TDRKH: variants seen among roughly 807,000 people sequenced by gnomAD.
The protein encoded by TDRKH is tudor and KH domain-containing protein.
In TDRKH, 28 loss-of-function variants were observed where a neutral mutation model predicts 61.3. The ratio of observed to expected loss-of-function variants is 0.46; its 90% confidence interval spans 0.34 to 0.63. The LOEUF (loss-of-function observed/expected upper bound fraction) is 0.63. Ranked by LOEUF, TDRKH falls within the 20% of genes least tolerant of loss-of-function variation. TDRKH has a pLI of 0.01. For missense variants in TDRKH, 540 were observed against 683.4 expected (o/e 0.79, Z 2.34); for synonymous variants, 219 against 244.4 (o/e 0.90, Z 0.97).
chr1:151,770,316 C>G, downstream of TDRKH: 1 of 1,570,092 alleles, frequency 6.4e-7, no homozygotes, highest in Admixed American at 1.8e-5. Context: ...AACTCCTTTT[C>G]CTTTATAGGA....
At chr1:151,787,979 T>C (rs546058700) in intron 1 of TDRKH, among the ~76,000 whole-genome samples, 33 of 151,832 alleles carry the variant, frequency 2.2e-4, no homozygotes, top group South Asian at 2.1e-3. Context: ...GAGCGAGAAT[T>C]TGTCTCAAGG....
Position 151,774,364 on chromosome 1 carries a change from C to G in TDRKH, c.*88G>C. 7.1e-7 allele frequency: 1 copy of G among 1,405,322 alleles called. No individual in the cohort carries two copies. The highest frequency in any genetic ancestry group is 9.9e-7 in the Non-Finnish European group (1 of 1,009,302). 87.1% of individuals were successfully genotyped at this position (1,405,322 alleles called of 1,614,324 possible). A position where few individuals can be genotyped will look rare whatever the true frequency, so the allele number is the denominator to read the frequency against. On this transcript the variant is annotated 3_prime_UTR_variant, in exon 13 of 13. Transcript: ENST00000368824. Reference sequence around the variant, plus strand: ...GGAATCAAAGCAAGTGCCCCACTGTCGCCCTCATTACTTTCCTGTTGCTAC... The same window carrying G: ...GGAATCAAAGCAAGTGCCCCACTGTGGCCCTCATTACTTTCCTGTTGCTAC...
chr1:151,770,238 G>C (rs745422540), downstream of TDRKH: 4 of 1,613,816 alleles, frequency 2.5e-6, no homozygotes, highest in East Asian at 2.2e-5. Flanking sequence ...TGAACTTCCA[G>C]AATGATCGGA....
intron 1 of TDRKH, among the ~76,000 whole-genome samples, chr1:151,787,321 C>T (rs775978636): frequency 2.6e-5 from 4 of 152,154 alleles, no homozygotes; most frequent in South Asian, 2.1e-4. Flanking sequence ...CGGGTTCAAG[C>T]GATTCTTCTG....
In TDRKH at chr1:151,778,863, T is replaced by C. The variant is rs921056889; in HGVS notation, c.705A>G (p.Ala235=). ...TGCTAGAACTGGTGTTTTTCCATAATGCTGGCTCTCCAGCTCCACCTGGCT... is the reference window on the plus strand; with the variant it reads ...TGCTAGAACTGGTGTTTTTCCATAACGCTGGCTCTCCAGCTCCACCTGGCT... The part of the protein sequence containing the change: ...MTEPGGAGEP[A]LWKNTSSSME... Residue 235 remains alanine (A), a synonymous_variant, in exon 6 of 13, where the codon GCA becomes GCG. Transcript: ENST00000368824. 1.2e-5 allele frequency: 19 copies of C among 1,614,110 alleles called. No individual in the cohort carries two copies. In the East Asian group the frequency reaches 4.2e-4, roughly 36 times the overall value.
At chr1:151,779,473 C>T (rs1649534307) in intron 4 of TDRKH, among the ~76,000 whole-genome samples, 1 of 152,210 alleles carries the variant, frequency 6.6e-6, no homozygotes, top group Admixed American at 6.5e-5. Context: ...CTTTGGCTAA[C>T]TTCATGTCAT....
intron 6 of TDRKH, among the ~76,000 whole-genome samples, chr1:151,778,163 A>C (rs1369914204): frequency 6.6e-6 from 1 of 152,188 alleles, no homozygotes; most frequent in Non-Finnish European, 1.5e-5. Context: ...GCTAGCTTAC[A>C]TAAAATGCAT....
At chr1:151,778,122 A>G (rs929686016) in intron 6 of TDRKH, among the ~76,000 whole-genome samples, 2 of 152,146 alleles carry the variant, frequency 1.3e-5, no homozygotes, top group Admixed American at 1.3e-4. Flanking sequence ...TTATACCTCC[A>G]AGCTCCTGTG....
chr1:151,767,947 C>T (rs1012394580), downstream of TDRKH: 5 of 1,372,594 alleles, frequency 3.6e-6, no homozygotes, highest in East Asian at 7.2e-5. Context: ...GATCTTGGCT[C>T]CAATTCTCCC....
At chr1:151,766,517 C>T, downstream of TDRKH, 1 of 592,630 alleles carries the variant, frequency 1.7e-6, no homozygotes, top group Non-Finnish European at 3.0e-6. Flanking sequence ...ATTCATACAG[C>T]CATAACATGC....
intron 1 of TDRKH, among the ~76,000 whole-genome samples, chr1:151,786,815 G>A (rs1650357702): frequency 6.6e-6 from 1 of 152,116 alleles, no homozygotes; most frequent in African/African-American, 2.4e-5. Flanking sequence ...CGTCTATTTT[G>A]GGTCATTAGT....
chr1:151,788,811 T>A (rs530527490), intron 1 of TDRKH, among the ~76,000 whole-genome samples: 11 of 152,034 alleles, frequency 7.2e-5, no homozygotes, highest in African/African-American at 2.2e-4. Context: ...TGCAGAGGGG[T>A]CTCTGCAGCC....
rs745725657 is a variant in TDRKH at position 151,775,066 on chromosome 1, A to G, written c.1535T>C (p.Met512Thr). The G allele has an allele frequency of 1.2e-6, 2 of 1,614,000 alleles. No individual in the cohort carries two copies. Among genetic ancestry groups the G allele is most frequent in the South Asian group, 2.2e-5 (2 of 91,068 alleles). The change falls in exon 11 of 13, where the codon ATG becomes ACG. Residue 512 changes from methionine (M) to threonine (T), a missense_variant and splice_region_variant. Transcript: ENST00000368824. ...CCCTATATAACTACAATAGCTCACC[A>G]TGTCCTTCAACATGTCTGGGACAGC... The part of the protein sequence containing the change: ...NRAVPDMLKD[M>T]ATETDASLST...
At chr1:151,769,687 G>A (rs1439803496), downstream of TDRKH, among the ~76,000 whole-genome samples, 18 of 152,210 alleles carry the variant, frequency 1.2e-4, no homozygotes, top group African/African-American at 4.1e-4. Flanking sequence ...GCCGGGCAGA[G>A]GCTGCAATCT....
chr1:151,775,809 G>A lies in TDRKH; in HGVS notation c.1282+11C>T. The A allele has an allele frequency of 6.2e-7, 1 of 1,612,718 alleles. No homozygotes were observed. The highest frequency in any genetic ancestry group is 8.5e-7 in the Non-Finnish European group (1 of 1,178,912). On this transcript the variant is annotated intron_variant, in intron 9 of 12. Transcript: ENST00000368824. ...TGGAGGTAAGCTCAATAGATGGCAT[G>A]ACCAATTTACCTGAGGGAGCAATCC... is the stretch of plus-strand genomic sequence containing the variant.
At position 151,781,328 on chromosome 1, in the gene TDRKH, A is replaced by ATATATATATATAT. The variant is rs1553282748; in HGVS notation, c.231+152_231+153insATATATATATATA. The stretch of plus-strand genomic sequence containing the variant: ...GCGAAACTCCATCTCAAAAAAAAAA[A>ATATATATATATAT]ATATATATATATATATTTTATATAT... On this transcript the variant is annotated intron_variant, in intron 3 of 12. Transcript: ENST00000368824. Among the ~76,000 whole-genome samples, 24 of 68,584 alleles carry ATATATATATATAT rather than the reference A, an allele frequency of 3.5e-4. 2 individuals are homozygous for ATATATATATATAT. Among genetic ancestry groups the ATATATATATATAT allele is most frequent in the Middle Eastern group, 9.4e-3 (1 of 106 alleles). The allele number at this position is 68,584 out of a possible 152,430, so 45.0% of individuals were successfully genotyped here. A position where few individuals can be genotyped will look rare whatever the true frequency, so the allele number is the denominator to read the frequency against.
chr1:151,771,210 G>T, downstream of TDRKH: 1 of 1,613,434 alleles, frequency 6.2e-7, no homozygotes, highest in African/African-American at 1.3e-5. Flanking sequence ...TGCCCAGTGA[G>T]CCTCCTTGAA....
At chr1:151,778,293 A>G (rs1268928598) in intron 6 of TDRKH, among the ~76,000 whole-genome samples, 1 of 152,224 alleles carries the variant, frequency 6.6e-6, no homozygotes, top group Non-Finnish European at 1.5e-5. Context: ...AAGGTCATGT[A>G]TCTATCTTTT....
chr1:151,779,253 C>T lies in TDRKH; in HGVS notation c.422-11G>A. 1.2e-6 allele frequency: 2 copies of T among 1,612,700 alleles called. No homozygotes were observed. Among genetic ancestry groups the T allele is most frequent in the Non-Finnish European group, 1.7e-6 (2 of 1,179,608 alleles). ...TCTCGCCGCCTCTCCCTACATTAAA[C>T]AATATATAAAAACCTGCCCTTCCCT... On this transcript the variant is annotated splice_polypyrimidine_tract_variant and intron_variant, in intron 4 of 12. Transcript: ENST00000368824.
Sources: allele counts gnomAD v4.1 joint callset (sites outside exome capture counted in the v4.1 genomes callset), GRCh38; gene constraint gnomAD v4.1.1; transcripts MANE v1.5; gene names NCBI Gene and HGNC (gene_info 2026-07-23, HGNC 2026-07-21).